The following LDB2 variants were observed in gnomAD, a reference collection of about 807,000 sequenced individuals.
LDB2 encodes LIM domain binding 2.
In LDB2, 12 loss-of-function variants were observed where a neutral mutation model predicts 44.3. That is an observed-to-expected ratio of 0.27 (90% confidence interval 0.17 to 0.44). The LOEUF is 0.44. Among genes scored for constraint, LDB2 ranks in the 20% least tolerant of loss-of-function variants. The pLI is 1.00. For synonymous variants in LDB2, 164 were observed against 174.8 expected, an observed-to-expected ratio of 0.94 and a Z score of 0.49; for missense variants, 344 against 473.5, an observed-to-expected ratio of 0.73 and a Z score of 2.54.
chr4:16,827,015 C>T (rs572621388), intron 1 of LDB2, among the ~76,000 whole-genome samples: 2 of 152,214 alleles, frequency 1.3e-5, no homozygotes, highest in South Asian at 4.1e-4. Flanking sequence ...AGGAAGATTC[C>T]CTCGTGAGAA....
chr4:16,633,782 CA>C (rs1311299518), intron 2 of LDB2, among the ~76,000 whole-genome samples: 1 of 152,056 alleles, frequency 6.6e-6, no homozygotes, highest in East Asian at 1.9e-4. Context: ...CATATGGAAC[CA>C]AAAAAGAGTC....
rs546281387 is a variant in LDB2 at position 16,860,409 on chromosome 4, T to G, written c.132+37945A>C. Among the ~76,000 whole-genome samples, 4 of 152,160 alleles carry G rather than the reference T, an allele frequency of 2.6e-5. No individual in the cohort carries two copies. The South Asian group carries it at 8.3e-4, about 32-fold the overall frequency. The stretch of plus-strand genomic sequence containing the variant: ...AAGTGGTCCTGTATCAGAGCAGATG[T>G]GCAATCTTCTCAGGTTATCTCTGTG... On this transcript the variant is annotated intron_variant, in intron 1 of 7. Transcript: ENST00000304523.
chr4:16,514,754 G>A (rs1463206667), intron 5 of LDB2, among the ~76,000 whole-genome samples: 1 of 152,130 alleles, frequency 6.6e-6, no homozygotes, highest in Non-Finnish European at 1.5e-5. Context: ...ATGAGACCTG[G>A]GTTAGTAATG....
chr4:16,626,189 G>T (rs1171410854), intron 2 of LDB2, among the ~76,000 whole-genome samples: 1 of 152,106 alleles, frequency 6.6e-6, no homozygotes, highest in Admixed American at 6.5e-5. Flanking sequence ...GTCACACACT[G>T]GCTAGTACAT....
At position 16,537,042 on chromosome 4, in the gene LDB2, G is replaced by C. The variant is rs550301447; in HGVS notation, c.616-24938C>G. 3.7e-4 allele frequency among the ~76,000 whole-genome samples: 56 copies of C among 152,226 alleles called. 1 individual carries two copies. In the East Asian group the frequency reaches 0.01, roughly 28 times the overall value. On this transcript the variant is annotated intron_variant, in intron 5 of 7. Transcript: ENST00000304523. Reference sequence around the variant, plus strand: ...CCTTTTTGAGGTTTTTACAGTTTACGTTTTTATGATTGGTATAAGCCTGTG... The same window carrying C: ...CCTTTTTGAGGTTTTTACAGTTTACCTTTTTATGATTGGTATAAGCCTGTG...
At chr4:16,806,532 G>T (rs527268332) in intron 1 of LDB2, among the ~76,000 whole-genome samples, 102 of 152,348 alleles carry the variant, frequency 6.7e-4, no homozygotes, top group African/African-American at 2.4e-3. Flanking sequence ...AAGGAGCCCT[G>T]CCATTAAGTG....
chr4:16,775,976 A>G (rs146753014), intron 1 of LDB2, among the ~76,000 whole-genome samples: 52 of 152,312 alleles, frequency 3.4e-4, no homozygotes, highest in African/African-American at 1.2e-3. Flanking sequence ...TAGCTATTCA[A>G]TTTGCTTCCT....
chr4:16,863,656 C>CTTTTTTTTT (rs143950913), intron 1 of LDB2, among the ~76,000 whole-genome samples: 23 of 91,920 alleles, frequency 2.5e-4, no homozygotes, highest in South Asian at 4.3e-4. Flanking sequence ...CTCACATTCT[C>CTTTTTTTTT]TTTTTTTTTT....
At position 16,510,047 on chromosome 4, in the gene LDB2, G is replaced by A. The variant is rs968644267; in HGVS notation, c.740-1361C>T. ...TGAGAATCACCTGAGCCCGGAAGTCGAGGCTGCAGTAAGCTATGATTGTGC... is the reference window on the plus strand; with the variant it reads ...TGAGAATCACCTGAGCCCGGAAGTCAAGGCTGCAGTAAGCTATGATTGTGC... On this transcript the variant is annotated intron_variant, in intron 6 of 7. Coordinates refer to ENST00000304523, the MANE Select transcript of LDB2 (RefSeq NM_001290.5). Among the ~76,000 whole-genome samples the A allele has an allele frequency of 5.3e-5, 8 of 152,078 alleles. No homozygotes were observed. In the South Asian group the frequency reaches 1.0e-3, roughly 20 times the overall value.
chr4:16,655,139 T>C (rs948022495), intron 2 of LDB2, among the ~76,000 whole-genome samples: 1 of 152,128 alleles, frequency 6.6e-6, no homozygotes, highest in African/African-American at 2.4e-5. Context: ...AATAGATCCA[T>C]ATTTTAATTA....
intron 1 of LDB2, among the ~76,000 whole-genome samples, chr4:16,812,126 CA>C (rs1329094224): frequency 6.6e-6 from 1 of 152,136 alleles, no homozygotes; most frequent in African/African-American, 2.4e-5. Flanking sequence ...TGAGGTTTAG[CA>C]CATTGATATT....
chr4:16,562,092 G>A (rs1202500909), intron 5 of LDB2, among the ~76,000 whole-genome samples: 3 of 152,242 alleles, frequency 2.0e-5, no homozygotes, highest in African/African-American at 7.2e-5. Flanking sequence ...AGACTTAAAC[G>A]TTAGATCTAA....
At chr4:16,879,589 A>G (rs577776377) in intron 1 of LDB2, among the ~76,000 whole-genome samples, 4 of 152,188 alleles carry the variant, frequency 2.6e-5, no homozygotes, top group Non-Finnish European at 5.9e-5. Flanking sequence ...TTCTAGTTTC[A>G]GAGCTTCAGA....
intron 2 of LDB2, among the ~76,000 whole-genome samples, chr4:16,688,427 G>A (rs1262185509): frequency 1.3e-5 from 2 of 152,170 alleles, no homozygotes; most frequent in Non-Finnish European, 2.9e-5. Flanking sequence ...TGAGAGGCCA[G>A]CTTCGGCCAC....
At chr4:16,791,283 G>A (rs190822612) in intron 1 of LDB2, among the ~76,000 whole-genome samples, 11 of 152,194 alleles carry the variant, frequency 7.2e-5, no homozygotes, top group African/African-American at 1.7e-4. Context: ...ACGGCTGGGC[G>A]GGGTGACTCA....
intron 1 of LDB2, among the ~76,000 whole-genome samples, chr4:16,790,872 C>A (rs1278610630): frequency 2.6e-5 from 4 of 151,934 alleles, no homozygotes; most frequent in Admixed American, 2.6e-4. Flanking sequence ...ATGTGTGAAA[C>A]TGTTAAATTG....
chr4:16,585,772 AAC>A (rs112653284), intron 5 of LDB2, 148 bp downstream of exon 5: 61,877 of 521,648 alleles, frequency 0.12, 2,281 homozygotes, highest in South Asian at 0.13. Context: ...CTCCATTGAA[AAC>A]ACACACACAC....
intron 5 of LDB2, among the ~76,000 whole-genome samples, chr4:16,558,750 C>A (rs945299485): frequency 1.5e-4 from 23 of 152,142 alleles, no homozygotes; most frequent in African/African-American, 5.1e-4. Flanking sequence ...CTCCAAGACA[C>A]ATAATTGTCA....
intron 2 of LDB2, among the ~76,000 whole-genome samples, chr4:16,695,165 T>C (rs1751812519): frequency 6.6e-6 from 1 of 152,154 alleles, no homozygotes; most frequent in Non-Finnish European, 1.5e-5. Context: ...TTTCTGAATA[T>C]GTTTGTGTGT....
Sources: allele counts gnomAD v4.1 joint callset (sites outside exome capture counted in the v4.1 genomes callset), GRCh38; gene constraint gnomAD v4.1.1; transcripts MANE v1.5; gene names NCBI Gene and HGNC (gene_info 2026-07-23, HGNC 2026-07-21).